Variants in ROBO2 observed in about 807,000 individuals in gnomAD.
ROBO2 encodes roundabout guidance receptor 2.
ROBO2 carries 53 observed loss-of-function variants against 160.8 expected under a neutral mutation model. The observed-to-expected ratio is 0.33, with a 90% CI of 0.26 to 0.41. ROBO2 has a LOEUF of 0.41. Ranked by LOEUF, ROBO2 falls within the 10% of genes least tolerant of loss-of-function variation. The pLI, the probability that ROBO2 is intolerant of heterozygous loss-of-function variation, is 1.00. For missense variants in ROBO2, 1,577 were observed against 1,722.4 expected, an observed-to-expected ratio of 0.92 and a Z score of 1.49; for synonymous variants, 664 against 611.7, an observed-to-expected ratio of 1.09 and a Z score of -1.26.
At chr3:76,471,904 T>A (rs1172024661) in intron 2 of ROBO2, among the ~76,000 whole-genome samples, 1 of 152,114 alleles carries the variant, frequency 6.6e-6, no homozygotes, top group African/African-American at 2.4e-5. Context: ...ACTCATTCAC[T>A]ACCATGAGAA....
At chr3:76,832,759 G>A (rs2067199873) in intron 2 of ROBO2, among the ~76,000 whole-genome samples, 1 of 152,168 alleles carries the variant, frequency 6.6e-6, no homozygotes, top group Admixed American at 6.6e-5. Flanking sequence ...ACAAAGAACA[G>A]GGAAGATGGC....
intron 2 of ROBO2, among the ~76,000 whole-genome samples, chr3:76,121,398 A>G (rs1012161395): frequency 6.6e-6 from 1 of 152,130 alleles, no homozygotes; most frequent in African/African-American, 2.4e-5. Flanking sequence ...TCATTTCCAA[A>G]TTCTTTGTAA....
chr3:77,606,562 C>T (rs577356895), intron 20 of ROBO2, among the ~76,000 whole-genome samples: 201 of 152,246 alleles, frequency 1.3e-3, no homozygotes, highest in Non-Finnish European at 2.4e-3. Flanking sequence ...GGTGTGCATG[C>T]TATGTGGAAA....
intron 2 of ROBO2, among the ~76,000 whole-genome samples, chr3:77,265,136 C>T (rs2059041844): frequency 6.6e-6 from 1 of 152,110 alleles, no homozygotes. Context: ...ATTTACATTG[C>T]CTGATTCATC....
intron 2 of ROBO2, among the ~76,000 whole-genome samples, chr3:76,729,417 A>G (rs1235039871): frequency 6.6e-6 from 1 of 152,200 alleles, no homozygotes; most frequent in African/African-American, 2.4e-5. Flanking sequence ...AGATTATTAA[A>G]TTAAGATCAC....
intron 2 of ROBO2, among the ~76,000 whole-genome samples, chr3:76,454,135 C>T (rs920472632): frequency 6.6e-6 from 1 of 152,010 alleles, no homozygotes; most frequent in Non-Finnish European, 1.5e-5. Context: ...ACTTAAGAAA[C>T]CTTTTGTGAG....
chr3:77,388,278 G>T (rs1160627628), intron 2 of ROBO2, among the ~76,000 whole-genome samples: 2 of 152,080 alleles, frequency 1.3e-5, no homozygotes, highest in African/African-American at 2.4e-5. Context: ...ACCAGGCATG[G>T]TGGCTCACAC....
At chr3:77,594,134 C>G (rs2094245258) in intron 17 of ROBO2, among the ~76,000 whole-genome samples, 1 of 152,210 alleles carries the variant, frequency 6.6e-6, no homozygotes, top group East Asian at 1.9e-4. Context: ...AAATTTGATC[C>G]AAACTAATGT....
intron 2 of ROBO2, among the ~76,000 whole-genome samples, chr3:76,730,006 A>C (rs2093610363): frequency 6.6e-6 from 1 of 152,084 alleles, no homozygotes. Flanking sequence ...TGTCTGATTT[A>C]CTTTCTTAGT....
intron 2 of ROBO2, among the ~76,000 whole-genome samples, chr3:77,310,657 A>G (rs183347976): frequency 1.6e-3 from 239 of 152,280 alleles, no homozygotes; most frequent in African/African-American, 5.3e-3. Flanking sequence ...GGTATGGTGC[A>G]AAGCTTCATT....
intron 2 of ROBO2, among the ~76,000 whole-genome samples, chr3:76,990,700 T>G (rs1578095277): frequency 1.3e-5 from 2 of 152,050 alleles, no homozygotes; most frequent in African/African-American, 4.8e-5. Context: ...GGAAAGGCAG[T>G]CTCCCCATAT....
chr3:76,005,694 G>C (rs922053122), intron 2 of ROBO2, among the ~76,000 whole-genome samples: 1 of 152,074 alleles, frequency 6.6e-6, no homozygotes, highest in African/African-American at 2.4e-5. Flanking sequence ...TGTTTCCAGA[G>C]TTACAACAAA....
chr3:76,214,029 C>T (rs1488674392), intron 2 of ROBO2, among the ~76,000 whole-genome samples: 2 of 152,216 alleles, frequency 1.3e-5, no homozygotes, highest in East Asian at 1.9e-4. Context: ...CACAGATGCA[C>T]CCAGGAATAA....
chr3:77,213,154 C>A (rs1035295786), intron 2 of ROBO2, among the ~76,000 whole-genome samples: 2 of 152,106 alleles, frequency 1.3e-5, no homozygotes, highest in African/African-American at 4.8e-5. Flanking sequence ...AGGAATGGTA[C>A]CAGCTCCTCC....
intron 1 of ROBO2, among the ~76,000 whole-genome samples, chr3:77,058,712 A>G (rs1047874945): frequency 7.0e-6 from 1 of 142,978 alleles, no homozygotes; most frequent in African/African-American, 2.6e-5. Flanking sequence ...TTTTTTTTGT[A>G]TTTTTTGTAG....
intron 21 of ROBO2, among the ~76,000 whole-genome samples, chr3:77,615,042 C>T (rs2094739038): frequency 6.6e-6 from 1 of 152,094 alleles, no homozygotes; most frequent in Non-Finnish European, 1.5e-5. Context: ...TAGTTTAGAC[C>T]TCCTGCTTTC....
chr3:75,949,117 G>A (rs1948439909), intron 2 of ROBO2, among the ~76,000 whole-genome samples: 1 of 151,974 alleles, frequency 6.6e-6, no homozygotes, highest in Non-Finnish European at 1.5e-5. Flanking sequence ...TTCTGTTGAG[G>A]TACTGAATCT....
intron 2 of ROBO2, among the ~76,000 whole-genome samples, chr3:76,518,485 C>T (rs938898849): frequency 6.6e-5 from 10 of 151,884 alleles, no homozygotes; most frequent in African/African-American, 1.7e-4. Flanking sequence ...CTTTAAGAGG[C>T]GTCTCTGAAA....
At chr3:77,509,418 G>A (rs1394957735) in intron 5 of ROBO2, among the ~76,000 whole-genome samples, 1 of 152,020 alleles carries the variant, frequency 6.6e-6, no homozygotes, top group African/African-American at 2.4e-5. Flanking sequence ...ACAAAGACAG[G>A]TGTGAGCAAG....
Sources: gnomAD v4.1 joint callset for allele counts (sites outside exome capture counted in the v4.1 genomes callset) on GRCh38, gnomAD v4.1.1 for gene constraint, MANE v1.5 for transcripts, NCBI Gene and HGNC (gene_info 2026-07-23, HGNC 2026-07-21) for gene names.